Variants in ARMC2 observed in about 807,000 individuals in gnomAD.
ARMC2 encodes armadillo repeat-containing protein 2.
A neutral mutation model predicts 90.3 loss-of-function variants in ARMC2; 67 were observed. The ratio of observed to expected loss-of-function variants is 0.74; its 90% CI spans 0.61 to 0.91. The LOEUF is 0.91. ARMC2 is among the 40% of genes least tolerant of loss of function. The pLI, the probability that ARMC2 is intolerant of heterozygous loss-of-function variation, is 0.00. For synonymous variants in ARMC2, 393 were observed against 393.0 expected (o/e 1.00, Z 0.00); for missense variants, 920 against 1,030.9 (o/e 0.89, Z 1.47).
the ARMC2 span, among the ~76,000 whole-genome samples, chr6:109,026,416 G>A: frequency 6.6e-6 from 1 of 152,140 alleles, no homozygotes; most frequent in Non-Finnish European, 1.5e-5. Flanking sequence ...CATTCTGTAC[G>A]AATTCTGAAT....
chr6:108,867,519 C>G (rs1035527331), intron 3 of ARMC2, among the ~76,000 whole-genome samples: 3 of 152,066 alleles, frequency 2.0e-5, no homozygotes, highest in African/African-American at 7.2e-5. Context: ...GTAATCCCAG[C>G]ACTTTGGGAG....
chr6:108,974,911 C>T (rs1778953948), downstream of ARMC2, among the ~76,000 whole-genome samples: 1 of 152,006 alleles, frequency 6.6e-6, no homozygotes, highest in African/African-American at 2.4e-5. Flanking sequence ...CCCATCTCTA[C>T]TAAAAATACA....
intron 12 of ARMC2, among the ~76,000 whole-genome samples, chr6:108,937,703 T>C (rs1035978801): frequency 1.3e-5 from 2 of 152,238 alleles, no homozygotes; most frequent in Admixed American, 1.3e-4. Context: ...ATTTTTATTT[T>C]TTTATTTTTT....
rs749003215 is a variant in ARMC2 at position 108,858,287 on chromosome 6, AAC to A, written c.291+17_291+18del. The A allele has an allele frequency of 6.4e-7, 1 of 1,571,686 alleles. No individual in the cohort carries two copies. The highest frequency in any genetic ancestry group is 1.1e-5 in the South Asian group (1 of 88,156). On this transcript the variant is annotated intron_variant, in intron 3 of 17. Coordinates refer to ENST00000392644, the MANE Select transcript of ARMC2 (RefSeq NM_032131.6). ...ACTAGAGCTGGTGAGTACTTTGTATAACCACCAGTAATTTATATTATGTTGTG... is the reference window on the plus strand; with the variant it reads ...ACTAGAGCTGGTGAGTACTTTGTATACACCAGTAATTTATATTATGTTGTG...
At chr6:108,916,226 G>A (rs999536680) in intron 10 of ARMC2, among the ~76,000 whole-genome samples, 6 of 152,210 alleles carry the variant, frequency 3.9e-5, no homozygotes, top group African/African-American at 1.4e-4. Context: ...TTTGTGGCGT[G>A]GCTGCTCTGT....
chr6:108,932,682 C>A (rs1275079005), intron 11 of ARMC2, among the ~76,000 whole-genome samples: 1 of 151,582 alleles, frequency 6.6e-6, no homozygotes, highest in African/African-American at 2.4e-5. Flanking sequence ...GTGCCCACCA[C>A]CACGCCCGGC....
chr6:108,911,799 G>T (rs1773461693), intron 9 of ARMC2, among the ~76,000 whole-genome samples: 1 of 152,030 alleles, frequency 6.6e-6, no homozygotes, highest in African/African-American at 2.4e-5. Context: ...GATTTGCCTG[G>T]ATTACTCGTA....
intron 2 of ARMC2, among the ~76,000 whole-genome samples, chr6:108,857,750 C>T (rs1176423042): frequency 4.7e-5 from 7 of 148,800 alleles, no homozygotes; most frequent in Non-Finnish European, 9.0e-5. Flanking sequence ...TATGTATTCT[C>T]TTTAGCTTGT....
chr6:108,868,660 C>T (rs1776076614), intron 3 of ARMC2, among the ~76,000 whole-genome samples, 164 bp from the exon 4 acceptor site: 1 of 152,112 alleles, frequency 6.6e-6, no homozygotes, highest in African/African-American at 2.4e-5. Context: ...ATACATATAT[C>T]ACATTATGTA....
chr6:109,022,996 C>T, the ARMC2 span, among the ~76,000 whole-genome samples: 1 of 152,172 alleles, frequency 6.6e-6, no homozygotes, highest in Admixed American at 6.5e-5. Context: ...CTCCTGTCTT[C>T]CCCTGCACTA....
At chr6:109,036,057 A>C in the ARMC2 span, among the ~76,000 whole-genome samples, 1 of 152,244 alleles carries the variant, frequency 6.6e-6, no homozygotes, top group South Asian at 2.1e-4. Flanking sequence ...TTCTTTTCCA[A>C]TTCTAGGCCC....
the ARMC2 span, among the ~76,000 whole-genome samples, chr6:109,045,144 T>C: frequency 6.6e-6 from 1 of 152,160 alleles, no homozygotes; most frequent in Non-Finnish European, 1.5e-5. Context: ...TGCAGACACC[T>C]GCAAGTCTGT....
At chr6:109,024,019 A>T in the ARMC2 span, among the ~76,000 whole-genome samples, 1 of 152,282 alleles carries the variant, frequency 6.6e-6, no homozygotes, top group East Asian at 1.9e-4. Flanking sequence ...TTTGAAAATC[A>T]GTAATTTTTG....
rs112486694 is a variant in ARMC2 at position 108,961,603 on chromosome 6, G to A, written c.1947G>A (p.Leu649=). The A allele has an allele frequency of 3.7e-4, 592 of 1,611,126 alleles. 1 individual carries two copies. In the African/African-American group the frequency reaches 7.1e-3, roughly 19 times the overall value. ...AGTCACTTGATGATTGTGAGGAGCTGGTGATCAATGCTACAGCGACAATCA... is the reference window on the plus strand; with the variant it reads ...AGTCACTTGATGATTGTGAGGAGCTAGTGATCAATGCTACAGCGACAATCA... The part of the protein sequence containing the change: ...EYKSLDDCEE[L]VINATATINN... Residue 649 remains leucine, a synonymous_variant, in exon 14 of 18, where the codon CTG becomes CTA. Coordinates refer to ENST00000392644, the MANE Select transcript of ARMC2 (RefSeq NM_032131.6).
intron 5 of ARMC2, among the ~76,000 whole-genome samples, chr6:108,888,076 G>T (rs888951958): frequency 5.3e-5 from 8 of 152,186 alleles, no homozygotes; most frequent in African/African-American, 1.7e-4. Flanking sequence ...CTGTCCTCAA[G>T]CCATACTACC....
At chr6:108,854,619 A>G in intron 2 of ARMC2, 134 bp downstream of exon 2, 1 of 837,102 alleles carries the variant, frequency 1.2e-6, no homozygotes, top group Non-Finnish European at 1.8e-6. Flanking sequence ...AGCAAAATTG[A>G]GTGGAAGGTA....
At chr6:108,884,542 G>A (rs1003369910) in intron 5 of ARMC2, among the ~76,000 whole-genome samples, 1 of 152,174 alleles carries the variant, frequency 6.6e-6, no homozygotes, top group Admixed American at 6.5e-5. Context: ...CATTTTGAAG[G>A]TTGATTTTCG....
chr6:108,953,304 T>G lies in ARMC2; in HGVS notation c.1868T>G (p.Val623Gly). 6.2e-7 allele frequency: 1 copy of G among 1,610,358 alleles called. No homozygotes were observed. Among genetic ancestry groups the G allele is most frequent in the Non-Finnish European group, 8.5e-7 (1 of 1,179,444 alleles). The change falls in exon 13 of 18, where the codon GTG becomes GGG. Residue 623 changes from valine (V) to glycine (G), a missense_variant. By Grantham distance (109) the Val-to-Gly change is moderately radical. Coordinates refer to ENST00000392644, the MANE Select transcript of ARMC2 (RefSeq NM_032131.6). ...NIAIHPGVGPVLAANPGIVGL... is the reference protein window; with the variant it reads ...NIAIHPGVGPGLAANPGIVGL... The stretch of plus-strand genomic sequence containing the variant: ...GCCATCCACCCGGGCGTGGGCCCGG[T>G]GCTGGCCGCCAACCCGGGGATAGTG...
chr6:108,970,249 G>T (rs1009599782), intron 17 of ARMC2, among the ~76,000 whole-genome samples: 1 of 152,002 alleles, frequency 6.6e-6, no homozygotes, highest in Non-Finnish European at 1.5e-5. Flanking sequence ...GAATTAATAT[G>T]GTTTGAGGGT....
Sources: gnomAD v4.1 joint callset for allele counts (sites outside exome capture counted in the v4.1 genomes callset) on GRCh38, gnomAD v4.1.1 for gene constraint, MANE v1.5 for transcripts, NCBI Gene and HGNC (gene_info 2026-07-23, HGNC 2026-07-21) for gene names.